The following RGS20 variants were observed in gnomAD, a reference collection of about 807,000 sequenced individuals.
RGS20 encodes gz-selective GTPase-activating protein.
A neutral mutation model predicts 33.6 loss-of-function variants in RGS20; 30 were observed. The observed-to-expected ratio is 0.89, with a 90% confidence interval of 0.67 to 1.21. The LOEUF is 1.21. Among genes scored for constraint, RGS20 ranks in the 50% most tolerant of loss-of-function variants. The pLI is 0.00. For synonymous variants in RGS20, 208 were observed against 197.9 expected (o/e 1.05, Z -0.43); for missense variants, 472 against 502.4 (o/e 0.94, Z 0.58).
At chr8:53,941,879 A>T (rs1814307844) in intron 3 of RGS20, among the ~76,000 whole-genome samples, 1 of 152,180 alleles carries the variant, frequency 6.6e-6, no homozygotes, top group African/African-American at 2.4e-5. Flanking sequence ...TGAAAACCCT[A>T]GGCAAACCAG....
chr8:53,878,487 G>A (rs1466312415), intron 1 of RGS20, among the ~76,000 whole-genome samples: 1 of 152,074 alleles, frequency 6.6e-6, no homozygotes, highest in Non-Finnish European at 1.5e-5. Flanking sequence ...GCAACAAGTG[G>A]AAGGTGGAAA....
chr8:53,947,590 CTA>C (rs143114989), intron 4 of RGS20, among the ~76,000 whole-genome samples: 7,975 of 95,174 alleles, frequency 0.084, 192 homozygotes, highest in South Asian at 0.096. Flanking sequence ...TTTATATATG[CTA>C]TATATAGGAT....
chr8:53,957,818 A>G (rs1376216254), intron 5 of RGS20, among the ~76,000 whole-genome samples: 1 of 152,090 alleles, frequency 6.6e-6, no homozygotes, highest in Non-Finnish European at 1.5e-5. Context: ...GGCAGTTTGG[A>G]TTTTTTGGAT....
intron 2 of RGS20, chr8:53,879,708 T>A: frequency 9.9e-7 from 1 of 1,006,206 alleles, no homozygotes; most frequent in Non-Finnish European, 1.4e-6. Context: ...GGGCTAGCAG[T>A]AGGGAGGGTG....
chr8:53,857,791 C>A (rs572058799), intron 1 of RGS20, among the ~76,000 whole-genome samples: 13 of 152,146 alleles, frequency 8.5e-5, no homozygotes, highest in Admixed American at 3.3e-4. Context: ...TGAAAAAAAT[C>A]TGAAATCCAA....
chr8:53,923,076 G>A (rs73680374), intron 2 of RGS20, among the ~76,000 whole-genome samples: 7,390 of 152,120 alleles, frequency 0.049, 485 homozygotes, highest in African/African-American at 0.15. Flanking sequence ...TCTCTTATAT[G>A]TAGCTCCTTT....
rs145730773 is a variant in RGS20 at position 53,869,871 on chromosome 8, G to T, written c.166-9387G>T. The stretch of plus-strand genomic sequence containing the variant: ...TGGCCAAGAGAGCAGAGAAAGGAGC[G>T]TGGCTTGGGGTTCATAGTGGGACTG... On this transcript the variant is annotated intron_variant, in intron 1 of 5. Transcript: ENST00000297313. 1.4e-4 allele frequency among the ~76,000 whole-genome samples: 21 copies of T among 152,226 alleles called. No homozygotes were observed. The East Asian group carries it at 4.1e-3, about 30-fold the overall frequency.
At chr8:53,854,735 A>C (rs1811636473) in intron 1 of RGS20, among the ~76,000 whole-genome samples, 1 of 152,210 alleles carries the variant, frequency 6.6e-6, no homozygotes, top group Non-Finnish European at 1.5e-5. Context: ...CTGAAGATAC[A>C]ACTGCCATAT....
In RGS20 at chr8:53,958,660, A is replaced by G; in HGVS notation, c.*202A>G. ...TTAGTGATACTTTTGAAAAAAAAAA[A>G]TAAAGGGATATGGCTGTTGTAGAAA... is the stretch of plus-strand genomic sequence containing the variant. On this transcript the variant is annotated 3_prime_UTR_variant, in exon 6 of 6. Coordinates refer to ENST00000297313, the MANE Select transcript of RGS20 (RefSeq NM_170587.4). 3.4e-6 allele frequency: 1 copy of G among 292,156 alleles called. No individual in the cohort carries two copies. Among genetic ancestry groups the G allele is most frequent in the East Asian group, 5.8e-5 (1 of 17,188 alleles). 18.1% of individuals were successfully genotyped at this position (292,156 alleles called of 1,614,324 possible).
chr8:53,942,143 C>T (rs967637645), intron 3 of RGS20, among the ~76,000 whole-genome samples: 1 of 152,096 alleles, frequency 6.6e-6, no homozygotes, highest in Non-Finnish European at 1.5e-5. Flanking sequence ...CATGGGGGCA[C>T]ATGCCCATAA....
intron 2 of RGS20, among the ~76,000 whole-genome samples, chr8:53,929,646 T>C (rs1813899685): frequency 6.6e-6 from 1 of 152,138 alleles, no homozygotes; most frequent in Non-Finnish European, 1.5e-5. Context: ...CCAGCCTGGG[T>C]GACAAGAGCA....
intron 2 of RGS20, among the ~76,000 whole-genome samples, chr8:53,882,423 C>G (rs1812417025): frequency 6.6e-6 from 1 of 152,020 alleles, no homozygotes; most frequent in South Asian, 2.1e-4. Context: ...CGCGGCCGTG[C>G]GAGAGCTCGC....
chr8:53,855,598 A>G (rs1811654647), intron 1 of RGS20, among the ~76,000 whole-genome samples: 1 of 152,200 alleles, frequency 6.6e-6, no homozygotes, highest in Admixed American at 6.5e-5. Context: ...GAAATGAGTG[A>G]ACTCTGAAGA....
intron 1 of RGS20, among the ~76,000 whole-genome samples, chr8:53,866,547 A>G (rs1811923759): frequency 6.6e-6 from 1 of 151,916 alleles, no homozygotes; most frequent in Admixed American, 6.6e-5. Flanking sequence ...ACGCCTGGCT[A>G]ATTTTTGTAT....
rs577086915 is a variant in RGS20 at position 53,891,873 on chromosome 8, G to A, written c.510+12271G>A. On this transcript the variant is annotated intron_variant, in intron 2 of 5. Transcript: ENST00000297313. ...CAGTCCCTTCATCTAGGCAGCCTAGGCCCAGATTTTTTTTTAAATTATTAT... is the reference window on the plus strand; with the variant it reads ...CAGTCCCTTCATCTAGGCAGCCTAGACCCAGATTTTTTTTTAAATTATTAT... Among the ~76,000 whole-genome samples the A allele has an allele frequency of 2.0e-4, 29 of 147,606 alleles. No homozygotes were observed. In the South Asian group the frequency reaches 6.1e-3, roughly 31 times the overall value.
chr8:53,951,348 C>T (rs114550225), intron 4 of RGS20, among the ~76,000 whole-genome samples: 1,856 of 152,000 alleles, frequency 0.012, 37 homozygotes, highest in African/African-American at 0.042. Context: ...ATTTAGCTGG[C>T]TGTGATGGTG....
intron 2 of RGS20, among the ~76,000 whole-genome samples, chr8:53,907,136 C>T (rs992992253): frequency 1.8e-4 from 27 of 152,148 alleles, no homozygotes; most frequent in African/African-American, 6.5e-4. Context: ...GCTAAGTGGC[C>T]GGGTGGCTTG....
At chr8:53,885,089 G>A (rs912931851) in intron 2 of RGS20, among the ~76,000 whole-genome samples, 5 of 152,316 alleles carry the variant, frequency 3.3e-5, no homozygotes, top group African/African-American at 7.2e-5. Context: ...AAATTACACA[G>A]AAGGAGATTT....
Position 53,868,173 on chromosome 8 carries a change from TA to T in RGS20, c.166-11083del, listed in dbSNP as rs1275858869. On this transcript the variant is annotated intron_variant, in intron 1 of 5. Transcript: ENST00000297313. Reference sequence around the variant, plus strand: ...TGTAGGCTTGGAAATATGGGATTAGTAATTAGTCATTGAATTCCTATTTGCT... The same window carrying T: ...TGTAGGCTTGGAAATATGGGATTAGTATTAGTCATTGAATTCCTATTTGCT... Among the ~76,000 whole-genome samples, 7 of 152,316 alleles carry T rather than the reference TA, an allele frequency of 4.6e-5. No homozygotes were observed. The East Asian group carries it at 7.7e-4, about 17-fold the overall frequency.
Sources: gnomAD v4.1 joint callset for allele counts (sites outside exome capture counted in the v4.1 genomes callset) on GRCh38, gnomAD v4.1.1 for gene constraint, MANE v1.5 for transcripts, NCBI Gene and HGNC (gene_info 2026-07-23, HGNC 2026-07-21) for gene names.